CDIN1: variants seen among roughly 807,000 people sequenced by gnomAD.
CDIN1 encodes the protein CDAN1-interacting nuclease 1.
CDIN1 carries 33 observed loss-of-function variants against 45.3 expected under a neutral mutation model. The ratio of observed to expected loss-of-function variants is 0.73; its 90% CI spans 0.55 to 0.97. CDIN1 has a LOEUF of 0.97. Among genes scored for constraint, CDIN1 ranks in the 50% least tolerant of loss-of-function variants. The pLI is 0.00. For missense variants in CDIN1, 303 were observed against 339.4 expected, an observed-to-expected ratio of 0.89 and a Z score of 0.84; for synonymous variants, 118 against 124.4, an observed-to-expected ratio of 0.95 and a Z score of 0.34.
intron 10 of CDIN1, among the ~76,000 whole-genome samples, chr15:36,791,691 G>C (rs2054649843): frequency 6.6e-6 from 1 of 152,022 alleles, no homozygotes; most frequent in African/African-American, 2.4e-5. Flanking sequence ...AGTTCTCATA[G>C]CTAGTTAGGC....
At chr15:36,605,913 A>G (rs1282427729) in intron 1 of CDIN1, among the ~76,000 whole-genome samples, 1 of 152,208 alleles carries the variant, frequency 6.6e-6, no homozygotes. Context: ...TCATTAACAT[A>G]TGACAGATGC....
chr15:36,800,992 T>C (rs1257705914), intron 10 of CDIN1, among the ~76,000 whole-genome samples: 6 of 141,768 alleles, frequency 4.2e-5, no homozygotes, highest in African/African-American at 1.3e-4. Context: ...TTCCCTATGA[T>C]TGAAATAAAA....
Position 36,808,375 on chromosome 15 carries a change from C to T in CDIN1, c.768C>T (p.Asp256=). 2 of 1,613,632 alleles carry T rather than the reference C, an allele frequency of 1.2e-6. No homozygotes were observed. The highest frequency in any genetic ancestry group is 1.7e-6 in the Non-Finnish European group (2 of 1,179,650). The part of the protein sequence containing the change: ...IYWYGFIQEL[D]CNRERGILLK... Reference sequence around the variant, plus strand: ...GGTATGGATTTATCCAGGAGCTGGACTGCAACCGGGAAAGGGGCATCCTGC... The same window carrying T: ...GGTATGGATTTATCCAGGAGCTGGATTGCAACCGGGAAAGGGGCATCCTGC... The change falls in exon 11 of 11, where the codon GAC becomes GAT. Residue 256 remains aspartate (D), a synonymous_variant. Transcript: ENST00000566621.
rs143697989 is a variant in CDIN1, at chr15:36,797,929, A to G, written c.717-10395A>G. On this transcript the variant is annotated intron_variant, in intron 10 of 10. Transcript: ENST00000566621. ...TGGGAGGCGGAGGTTGCAGTGAGCC[A>G]AGATCACACCACTGCACTCCAGCCT... Among the ~76,000 whole-genome samples the G allele has an allele frequency of 5.9e-3, 885 of 150,408 alleles. 8 individuals carry two copies. The highest frequency in any genetic ancestry group is 0.02 in the African/African-American group (819 of 40,370).
At chr15:36,698,227 G>A (rs1191918583) in intron 8 of CDIN1, among the ~76,000 whole-genome samples, 1 of 152,140 alleles carries the variant, frequency 6.6e-6, no homozygotes, top group African/African-American at 2.4e-5. Context: ...GTCAAATAAG[G>A]AAGAGATGTT....
At chr15:36,619,459 GC>G (rs1434624613) in intron 1 of CDIN1, among the ~76,000 whole-genome samples, 3 of 149,326 alleles carry the variant, frequency 2.0e-5, no homozygotes, top group African/African-American at 7.5e-5. Context: ...ATTTATAAAT[GC>G]TGGAGGATTT....
chr15:36,624,060 T>A (rs1360995182), intron 1 of CDIN1, among the ~76,000 whole-genome samples: 2 of 152,218 alleles, frequency 1.3e-5, no homozygotes, highest in East Asian at 1.9e-4. Context: ...ATGATCATCA[T>A]GACAGTAGGT....
At chr15:36,726,075 A>G (rs373957076) in intron 10 of CDIN1, among the ~76,000 whole-genome samples, 20 of 152,248 alleles carry the variant, frequency 1.3e-4, no homozygotes, top group African/African-American at 4.8e-4. Flanking sequence ...CTACTAAATG[A>G]AATTAAGATA....
intron 5 of CDIN1, among the ~76,000 whole-genome samples, chr15:36,685,325 A>G (rs1335857747): frequency 6.6e-6 from 1 of 151,640 alleles, no homozygotes; most frequent in Non-Finnish European, 1.5e-5. Flanking sequence ...TTCTGCCTTC[A>G]TTTCGTTATG....
At chr15:36,688,711 T>C (rs764524962) in intron 5 of CDIN1, among the ~76,000 whole-genome samples, 8 of 152,216 alleles carry the variant, frequency 5.3e-5, no homozygotes, top group Non-Finnish European at 8.8e-5. Context: ...TTGAGGCCTC[T>C]TAGCTCTGGC....
intron 10 of CDIN1, among the ~76,000 whole-genome samples, chr15:36,784,057 A>G (rs1357016392): frequency 2.0e-5 from 3 of 152,244 alleles, no homozygotes; most frequent in African/African-American, 7.2e-5. Context: ...ATAAGTAAGC[A>G]TGCACATCCT....
At chr15:36,715,031 CCT>C (rs2043175133) in intron 10 of CDIN1, among the ~76,000 whole-genome samples, 1 of 152,146 alleles carries the variant, frequency 6.6e-6, no homozygotes, top group Admixed American at 6.5e-5. Flanking sequence ...AGGACACGGA[CCT>C]CTCTTGATTG....
intron 1 of CDIN1, among the ~76,000 whole-genome samples, chr15:36,589,733 T>G (rs1427935665): frequency 6.6e-6 from 1 of 152,230 alleles, no homozygotes; most frequent in East Asian, 1.9e-4. Flanking sequence ...CTCGATCTCC[T>G]GACCTCGTGA....
intron 1 of CDIN1, among the ~76,000 whole-genome samples, chr15:36,631,304 A>G (rs916764293): frequency 6.6e-6 from 1 of 152,252 alleles, no homozygotes; most frequent in Non-Finnish European, 1.5e-5. Context: ...AAAAATATAC[A>G]GTTCAGTGGT....
intron 5 of CDIN1, among the ~76,000 whole-genome samples, chr15:36,660,710 A>G (rs2040978933): frequency 6.6e-6 from 1 of 152,110 alleles, no homozygotes; most frequent in African/African-American, 2.4e-5. Context: ...ATAATGTTCT[A>G]TAGCCTTTTA....
chr15:36,794,055 A>C (rs1595607001), intron 10 of CDIN1, among the ~76,000 whole-genome samples: 1 of 114,478 alleles, frequency 8.7e-6, no homozygotes, highest in East Asian at 3.2e-4. Flanking sequence ...ATATGCCATC[A>C]TAACTATTTT....
intron 10 of CDIN1, among the ~76,000 whole-genome samples, chr15:36,740,475 C>T (rs1401352917): frequency 6.6e-6 from 1 of 152,148 alleles, no homozygotes; most frequent in African/African-American, 2.4e-5. Context: ...TGTGGTGATA[C>T]CGAGAGATGG....
At chr15:36,654,236 A>C (rs1240272700) in intron 4 of CDIN1, 78 bp downstream of exon 4, 7 of 1,217,120 alleles carry the variant, frequency 5.8e-6, no homozygotes, top group Non-Finnish European at 7.0e-6. Context: ...GCTTACAATT[A>C]TAACTACCTT....
intron 1 of CDIN1, among the ~76,000 whole-genome samples, chr15:36,591,293 A>G (rs1056563920): frequency 9.2e-5 from 14 of 152,200 alleles, no homozygotes; most frequent in African/African-American, 3.1e-4. Flanking sequence ...TGCTTAAGGT[A>G]TATTACACTG....
Sources: gnomAD v4.1 joint callset for allele counts (sites outside exome capture counted in the v4.1 genomes callset) on GRCh38, gnomAD v4.1.1 for gene constraint, MANE v1.5 for transcripts, NCBI Gene and HGNC (gene_info 2026-07-23, HGNC 2026-07-21) for gene names.